Variants in OXCT1 observed in about 807,000 individuals in gnomAD.
The protein encoded by OXCT1 is 3-oxoacid CoA-transferase 1.
In OXCT1, 27 loss-of-function variants were observed where a neutral mutation model predicts 69.6. The observed-to-expected ratio is 0.39, with a 90% CI of 0.29 to 0.54. OXCT1 has a LOEUF of 0.54. Ranked by LOEUF, OXCT1 falls within the 20% of genes least tolerant of loss-of-function variation. The pLI is 0.72. For synonymous variants in OXCT1, 202 were observed against 217.8 expected (o/e 0.93, Z 0.64); for missense variants, 437 against 650.2 (o/e 0.67, Z 3.57).
intron 7 of OXCT1, among the ~76,000 whole-genome samples, chr5:41,821,262 A>G (rs939815835): frequency 1.3e-5 from 2 of 152,254 alleles, no homozygotes; most frequent in African/African-American, 4.8e-5. Flanking sequence ...CTTCCTGAAG[A>G]AAACATTGCC....
intron 13 of OXCT1, among the ~76,000 whole-genome samples, chr5:41,778,378 T>A (rs1745228320): frequency 6.6e-6 from 1 of 152,182 alleles, no homozygotes; most frequent in Non-Finnish European, 1.5e-5. Context: ...CTACACTGGT[T>A]AAGAGGGGAG....
chr5:41,823,529 A>T (rs1342601543), intron 7 of OXCT1, among the ~76,000 whole-genome samples: 2 of 152,118 alleles, frequency 1.3e-5, no homozygotes, highest in South Asian at 2.1e-4. Context: ...GTCAGTTGTG[A>T]TTCTCCGTAT....
At chr5:41,816,888 G>A (rs1370178185) in intron 7 of OXCT1, among the ~76,000 whole-genome samples, 1 of 152,120 alleles carries the variant, frequency 6.6e-6, no homozygotes, top group Non-Finnish European at 1.5e-5. Flanking sequence ...AACCCCATTT[G>A]TTTAGAGTGT....
intron 13 of OXCT1, among the ~76,000 whole-genome samples, chr5:41,781,214 A>G (rs1463096524): frequency 6.6e-6 from 1 of 152,010 alleles, no homozygotes; most frequent in African/African-American, 2.4e-5. Flanking sequence ...ACTGTCTCCC[A>G]TATCTTATTA....
rs963451656 is a variant in OXCT1, at chr5:41,730,541, C to G, written c.*1188G>C. ...ACCTCTGTCCAGAGGCCAGCTGTCT[C>G]ACCTGTTCTTCAGGGTGCCTAGACT... On this transcript the variant is annotated 3_prime_UTR_variant, in exon 17 of 17. Transcript: ENST00000196371. 4 of 152,226 alleles carry G rather than the reference C, an allele frequency of 2.6e-5. No individual in the cohort carries two copies. The highest frequency in any genetic ancestry group is 9.6e-5 in the African/African-American group (4 of 41,458). 9.4% of individuals were successfully genotyped at this position (152,226 alleles called of 1,614,324 possible).
intron 14 of OXCT1, among the ~76,000 whole-genome samples, chr5:41,751,361 T>A (rs116690202): frequency 6.6e-6 from 1 of 152,152 alleles, no homozygotes; most frequent in African/African-American, 2.4e-5. Flanking sequence ...TAATGAACAA[T>A]CAACTTCATT....
intron 1 of OXCT1, among the ~76,000 whole-genome samples, chr5:41,866,117 T>G (rs1749962206): frequency 6.7e-6 from 1 of 149,826 alleles, no homozygotes; most frequent in Non-Finnish European, 1.5e-5. Context: ...GCCTGGACTA[T>G]AGAAGATACT....
chr5:41,755,559 C>T (rs1744027661), intron 14 of OXCT1, among the ~76,000 whole-genome samples: 1 of 152,050 alleles, frequency 6.6e-6, no homozygotes, highest in African/African-American at 2.4e-5. Flanking sequence ...AAGGATGTCT[C>T]CCAAGAAAGG....
chr5:41,773,815 T>G (rs1415194552), intron 13 of OXCT1, among the ~76,000 whole-genome samples: 2 of 152,166 alleles, frequency 1.3e-5, no homozygotes, highest in Admixed American at 1.3e-4. Flanking sequence ...CTTGATGGTT[T>G]CAGTAACGTT....
intron 1 of OXCT1, among the ~76,000 whole-genome samples, chr5:41,866,318 G>T (rs1341348853): frequency 6.6e-6 from 1 of 152,122 alleles, no homozygotes; most frequent in Non-Finnish European, 1.5e-5. Flanking sequence ...ATTAACCCAG[G>T]TGATCTTTGT....
At chr5:41,776,107 C>T (rs1745107668) in intron 13 of OXCT1, among the ~76,000 whole-genome samples, 2 of 152,174 alleles carry the variant, frequency 1.3e-5, no homozygotes, top group Non-Finnish European at 2.9e-5. Flanking sequence ...ATAAGAAGGG[C>T]ACTCTACTTC....
At chr5:41,839,375 C>T (rs923823284) in intron 7 of OXCT1, among the ~76,000 whole-genome samples, 2 of 152,116 alleles carry the variant, frequency 1.3e-5, no homozygotes, top group Admixed American at 1.3e-4. Context: ...TTAAGCTATG[C>T]TGTAGGCCTT....
At chr5:41,856,898 C>T (rs1258852762) in intron 3 of OXCT1, among the ~76,000 whole-genome samples, 2 of 152,148 alleles carry the variant, frequency 1.3e-5, no homozygotes, top group Non-Finnish European at 1.5e-5. Context: ...ACTCTCAATG[C>T]ACACAATGCC....
chr5:41,730,543 C>G lies in OXCT1; in HGVS notation c.*1186G>C, dbSNP rs1286870792. 6.6e-6 allele frequency: 1 copy of G among 152,246 alleles called. No individual in the cohort carries two copies. Among genetic ancestry groups the G allele is most frequent in the African/African-American group, 2.4e-5 (1 of 41,464 alleles). 9.4% of individuals were successfully genotyped at this position (152,246 alleles called of 1,614,324 possible). A position where few individuals can be genotyped will look rare whatever the true frequency, so the allele number is the denominator to read the frequency against. On this transcript the variant is annotated 3_prime_UTR_variant, in exon 17 of 17. Transcript: ENST00000196371. ...CTCTGTCCAGAGGCCAGCTGTCTCA[C>G]CTGTTCTTCAGGGTGCCTAGACTTT... is the stretch of plus-strand genomic sequence containing the variant.
intron 13 of OXCT1, among the ~76,000 whole-genome samples, chr5:41,765,588 G>C (rs979894385): frequency 6.6e-6 from 1 of 152,132 alleles, no homozygotes; most frequent in Non-Finnish European, 1.5e-5. Context: ...AATTAGAACT[G>C]TTATAGCTGC....
intron 7 of OXCT1, among the ~76,000 whole-genome samples, chr5:41,836,352 A>G (rs566020346): frequency 6.6e-6 from 1 of 152,366 alleles, no homozygotes; most frequent in Admixed American, 6.5e-5. Context: ...AGGAAGATAC[A>G]GCCAGCATCA....
At chr5:41,864,792 T>A (rs1405744629) in intron 1 of OXCT1, among the ~76,000 whole-genome samples, 6 of 152,186 alleles carry the variant, frequency 3.9e-5, no homozygotes, top group Non-Finnish European at 8.8e-5. Context: ...ATACTCCACT[T>A]CTCATTTTTT....
At chr5:41,850,499 T>C (rs577265184) in intron 4 of OXCT1, among the ~76,000 whole-genome samples, 10 of 152,312 alleles carry the variant, frequency 6.6e-5, no homozygotes, top group Admixed American at 5.9e-4. Flanking sequence ...AATTTTAAAA[T>C]CTGAATTATG....
intron 2 of OXCT1, among the ~76,000 whole-genome samples, chr5:41,862,104 G>T (rs147439450): frequency 6.0e-4 from 91 of 152,184 alleles, no homozygotes; most frequent in Non-Finnish European, 1.1e-3. Context: ...CCAGCTACTC[G>T]GGAGGCTAAG....
Sources: gnomAD v4.1 joint callset for allele counts (sites outside exome capture counted in the v4.1 genomes callset) on GRCh38, gnomAD v4.1.1 for gene constraint, MANE v1.5 for transcripts, NCBI Gene and HGNC (gene_info 2026-07-23, HGNC 2026-07-21) for gene names.